EEA1: variants seen among roughly 807,000 people sequenced by gnomAD.
EEA1 encodes the protein early endosome antigen 1, also known as early endosome antigen 1, 162kD.
In EEA1, 111 loss-of-function variants were observed where a neutral mutation model predicts 209.2. That is an observed-to-expected ratio of 0.53 (90% CI 0.45 to 0.62). The LOEUF is 0.62. EEA1 is among the 20% of genes least tolerant of loss of function. The pLI is 0.00. For synonymous variants in EEA1, 536 were observed against 540.6 expected, an observed-to-expected ratio of 0.99 and a Z score of 0.12; for missense variants, 1,343 against 1,530.8, an observed-to-expected ratio of 0.88 and a Z score of 2.05.
intron 2 of EEA1, among the ~76,000 whole-genome samples, chr12:92,881,373 C>T (rs1592754311): frequency 6.6e-6 from 1 of 151,534 alleles, no homozygotes; most frequent in Non-Finnish European, 1.5e-5. Flanking sequence ...CACACCACCA[C>T]AATCAGCCTG....
At chr12:92,927,274 A>T (rs997249667) in intron 1 of EEA1, among the ~76,000 whole-genome samples, 1 of 152,210 alleles carries the variant, frequency 6.6e-6, no homozygotes, top group Non-Finnish European at 1.5e-5. Context: ...GGCACAGGGC[A>T]GCCTCCCACA....
chr12:92,805,031 T>C (rs1051318998), intron 18 of EEA1, among the ~76,000 whole-genome samples: 2 of 152,232 alleles, frequency 1.3e-5, no homozygotes, highest in Admixed American at 1.3e-4. Flanking sequence ...ACCATGAGAT[T>C]AGAACATAGA....
At chr12:92,885,398 T>C (rs1383215280) in intron 2 of EEA1, among the ~76,000 whole-genome samples, 1 of 152,046 alleles carries the variant, frequency 6.6e-6, no homozygotes, top group South Asian at 2.1e-4. Context: ...GAAGCCAAAG[T>C]CAATGTAAAG....
At chr12:92,806,956 G>A (rs1248613010) in intron 18 of EEA1, among the ~76,000 whole-genome samples, 13 of 122,530 alleles carry the variant, frequency 1.1e-4, no homozygotes, top group Non-Finnish European at 2.3e-4. Context: ...TTTTTTTTTT[G>A]AGACGGAGTC....
intron 17 of EEA1, 137 bp downstream of exon 17, chr12:92,811,141 CA>C (rs1382903150): frequency 4.0e-6 from 2 of 502,020 alleles, no homozygotes; most frequent in Non-Finnish European, 6.4e-6. Context: ...TGAAAAATTA[CA>C]AGCAATTTTT....
Position 92,828,043 on chromosome 12 carries a change from C to G in EEA1, c.1273G>C (p.Glu425Gln). ...EINQLHSKLLETERQLGEAHG... is the reference protein window; with the variant it reads ...EINQLHSKLLQTERQLGEAHG... The stretch of plus-strand genomic sequence containing the variant: ...GCTTCCCCTAGTTGGCGCTCTGTCT[C>G]CAGAAGTTTGCTATGTAACTTTAAA... The change falls in exon 12 of 29, where the codon GAG becomes CAG. Residue 425 changes from glutamate (E) to glutamine (Q), a missense_variant. Physicochemically the swap from Glu to Gln is conservative, Grantham distance 29. Coordinates refer to ENST00000322349, the MANE Select transcript of EEA1 (RefSeq NM_003566.4). The G allele has an allele frequency of 6.4e-7, 1 of 1,568,888 alleles. No homozygotes were observed. The highest frequency in any genetic ancestry group is 8.6e-7 in the Non-Finnish European group (1 of 1,163,060).
intron 15 of EEA1, among the ~76,000 whole-genome samples, chr12:92,815,711 AT>A (rs1053308284): frequency 4.0e-5 from 6 of 150,606 alleles, no homozygotes; most frequent in South Asian, 2.1e-4. Context: ...ATGTAAGGGA[AT>A]TTTTTTTTTA....
At chr12:92,887,466 G>A (rs1879462317) in intron 2 of EEA1, among the ~76,000 whole-genome samples, 1 of 152,038 alleles carries the variant, frequency 6.6e-6, no homozygotes, top group Admixed American at 6.6e-5. Flanking sequence ...GCTACATAAT[G>A]AGAGCCCATC....
chr12:92,909,357 A>G (rs1320126695), intron 1 of EEA1, among the ~76,000 whole-genome samples: 1 of 152,192 alleles, frequency 6.6e-6, no homozygotes, highest in Non-Finnish European at 1.5e-5. Context: ...TGTCAAAATG[A>G]CAAACGTCAC....
intron 1 of EEA1, among the ~76,000 whole-genome samples, chr12:92,911,625 C>A (rs907881471): frequency 6.6e-6 from 1 of 152,206 alleles, no homozygotes; most frequent in Non-Finnish European, 1.5e-5. Flanking sequence ...CTACTGTAAA[C>A]TGCAGACTCT....
intron 2 of EEA1, among the ~76,000 whole-genome samples, chr12:92,865,593 G>T (rs894021111): frequency 6.6e-6 from 1 of 151,860 alleles, no homozygotes; most frequent in African/African-American, 2.4e-5. Flanking sequence ...TTATTATATG[G>T]TTAAAACTAC....
chr12:92,917,093 G>A (rs1880796434), intron 1 of EEA1, among the ~76,000 whole-genome samples: 1 of 145,634 alleles, frequency 6.9e-6, no homozygotes, highest in Non-Finnish European at 1.5e-5. Context: ...ATGGGACTAT[G>A]TGAAAAGACC....
At position 92,772,596 on chromosome 12, in the gene EEA1, T is replaced by C. The variant is rs1249772578; in HGVS notation, c.*3415A>G. 2 of 152,348 alleles carry C rather than the reference T, an allele frequency of 1.3e-5. No homozygotes were observed. The highest frequency in any genetic ancestry group is 6.6e-5 in the Admixed American group (1 of 15,234). The allele number at this position is 152,348 out of a possible 1,614,324, so 9.4% of individuals were successfully genotyped here. ...ATAAGGATCCTTCCATTGTTCTTTA[T>C]ACAGATTTAAATGCTGTCACGTACT... On this transcript the variant is annotated 3_prime_UTR_variant, in exon 29 of 29. Transcript: ENST00000322349.
At chr12:92,821,134 C>G (rs1460991918) in intron 13 of EEA1, 2 of 152,156 alleles carry the variant, frequency 1.3e-5, no homozygotes, top group East Asian at 1.9e-4. Context: ...ATACAAAATA[C>G]ATAGATAATT....
chr12:92,793,202 TC>T (rs1329369629), intron 21 of EEA1, among the ~76,000 whole-genome samples: 1 of 152,118 alleles, frequency 6.6e-6, no homozygotes, highest in Non-Finnish European at 1.5e-5. Context: ...CTGGAAGCAT[TC>T]CCTTTAAAAA....
At chr12:92,851,909 T>C (rs955803157) in intron 8 of EEA1, among the ~76,000 whole-genome samples, 6 of 152,198 alleles carry the variant, frequency 3.9e-5, no homozygotes, top group African/African-American at 1.2e-4. Context: ...GGATCAGAGA[T>C]GCAGATATGA....
intron 3 of EEA1, among the ~76,000 whole-genome samples, chr12:92,861,343 T>C (rs1400155224): frequency 6.6e-6 from 1 of 152,150 alleles, no homozygotes; most frequent in Non-Finnish European, 1.5e-5. Context: ...TATTCCCAGC[T>C]ACTCAGGAGG....
At chr12:92,887,261 G>A (rs1383906219) in intron 2 of EEA1, among the ~76,000 whole-genome samples, 1 of 152,098 alleles carries the variant, frequency 6.6e-6, no homozygotes, top group East Asian at 1.9e-4. Context: ...CAAGGCAGGA[G>A]GATCACTTGA....
intron 25 of EEA1, among the ~76,000 whole-genome samples, 155 bp downstream of exon 25, chr12:92,778,960 T>C (rs1249773110): frequency 6.6e-6 from 1 of 152,098 alleles, no homozygotes; most frequent in Non-Finnish European, 1.5e-5. Context: ...TCCAACCACA[T>C]GTCAGCTATG....
Sources: gnomAD v4.1 joint callset for allele counts (sites outside exome capture counted in the v4.1 genomes callset) on GRCh38, gnomAD v4.1.1 for gene constraint, MANE v1.5 for transcripts, NCBI Gene and HGNC (gene_info 2026-07-23, HGNC 2026-07-21) for gene names.